Variants in NCOA1 observed in about 807,000 individuals in gnomAD.
NCOA1 encodes the protein nuclear receptor coactivator 1.
NCOA1 carries 35 observed loss-of-function variants against 150.9 expected under a neutral mutation model. That is an observed-to-expected ratio of 0.23 (90% CI 0.18 to 0.31). The LOEUF (loss-of-function observed/expected upper bound fraction) is 0.31, where lower values mean the gene tolerates loss of function less well. NCOA1 is among the 10% of genes least tolerant of loss of function. The pLI, the probability that NCOA1 is intolerant of heterozygous loss-of-function variation, is 1.00. For synonymous variants in NCOA1, 590 were observed against 630.0 expected, an observed-to-expected ratio of 0.94 and a Z score of 0.95; for missense variants, 1,491 against 1,749.3, an observed-to-expected ratio of 0.85 and a Z score of 2.63.
chr2:24,737,498 C>A (rs1440553656), intron 17 of NCOA1, among the ~76,000 whole-genome samples: 3 of 152,220 alleles, frequency 2.0e-5, no homozygotes, highest in African/African-American at 7.2e-5. Flanking sequence ...CATTATCTCA[C>A]AATTCAAAGA....
intron 2 of NCOA1, among the ~76,000 whole-genome samples, chr2:24,578,669 C>A (rs1416533257): frequency 6.6e-6 from 1 of 152,018 alleles, no homozygotes; most frequent in Non-Finnish European, 1.5e-5. Flanking sequence ...AGTACTCATG[C>A]ATTGCTTTTG....
intron 1 of NCOA1, among the ~76,000 whole-genome samples, chr2:24,553,028 T>C (rs1665926341): frequency 6.6e-6 from 1 of 152,154 alleles, no homozygotes; most frequent in Admixed American, 6.5e-5. Context: ...ATACAGTACA[T>C]TGTTGAATAG....
chr2:24,530,357 C>T (rs369946177), intron 1 of NCOA1, among the ~76,000 whole-genome samples: 150 of 152,272 alleles, frequency 9.9e-4, no homozygotes, highest in African/African-American at 3.4e-3. Context: ...TAGCTAATCA[C>T]AGGTATTTTA....
At chr2:24,596,247 T>C (rs1009268286) in intron 3 of NCOA1, among the ~76,000 whole-genome samples, 1 of 152,200 alleles carries the variant, frequency 6.6e-6, no homozygotes, top group African/African-American at 2.4e-5. Flanking sequence ...TAAGTGATTC[T>C]AGAAAGCAAA....
In NCOA1 at chr2:24,741,839, A is replaced by G. The variant is rs181034772; in HGVS notation, c.3359A>G (p.Gln1120Arg). The change falls in exon 19 of 23, where the codon CAG becomes CGG. Residue 1120 changes from glutamine to arginine, a missense_variant. Coordinates refer to ENST00000348332, the MANE Select transcript of NCOA1 (RefSeq NM_003743.5). ...AQRQRELYSQ[Q>R]HRQRQLIQQQ... is the part of the protein sequence containing the mutation. ...CGTCAGCGGGAACTGTACAGTCAAC[A>G]GCACCGACAGAGGCAGCTAATACAG... 6.8e-6 allele frequency: 11 copies of G among 1,614,240 alleles called. No homozygotes were observed. The highest frequency in any genetic ancestry group is 9.3e-6 in the Non-Finnish European group (11 of 1,180,038).
At chr2:24,665,437 G>A (rs1052000144) in intron 5 of NCOA1, among the ~76,000 whole-genome samples, 7 of 152,080 alleles carry the variant, frequency 4.6e-5, no homozygotes, top group Non-Finnish European at 8.8e-5. Flanking sequence ...TGTAACTGCT[G>A]TGTTTATTAC....
intron 1 of NCOA1, among the ~76,000 whole-genome samples, chr2:24,553,282 G>A (rs917791263): frequency 1.3e-5 from 2 of 151,736 alleles, no homozygotes; most frequent in African/African-American, 2.4e-5. Context: ...TGCAGTGGGC[G>A]ATCTTGGCTT....
chr2:24,551,702 A>G (rs1558787025), intron 1 of NCOA1, among the ~76,000 whole-genome samples: 1 of 152,180 alleles, frequency 6.6e-6, no homozygotes, highest in Non-Finnish European at 1.5e-5. Context: ...TCTGCAGGAT[A>G]AGTTTACCAA....
intron 3 of NCOA1, among the ~76,000 whole-genome samples, chr2:24,642,041 C>CGCGT (rs1670252223): frequency 2.3e-5 from 2 of 87,484 alleles, no homozygotes; most frequent in Admixed American, 9.8e-5. Context: ...TGTGTGTGCG[C>CGCGT]GCGTGCGTAT....
At chr2:24,492,633 G>C (rs1663027246) in intron 1 of NCOA1, among the ~76,000 whole-genome samples, 1 of 152,182 alleles carries the variant, frequency 6.6e-6, no homozygotes, top group Non-Finnish European at 1.5e-5. Context: ...CTCGTTTCTT[G>C]TAGAGGTGTT....
At chr2:24,657,255 A>G (rs577854036) in intron 4 of NCOA1, among the ~76,000 whole-genome samples, 1 of 152,286 alleles carries the variant, frequency 6.6e-6, no homozygotes, top group South Asian at 2.1e-4. Context: ...AGGACAGATT[A>G]GAAGTGAGAA....
chr2:24,592,158 G>A (rs936759813), intron 3 of NCOA1, among the ~76,000 whole-genome samples: 3 of 152,150 alleles, frequency 2.0e-5, no homozygotes, highest in African/African-American at 7.2e-5. Context: ...AGCATTTGAT[G>A]AAAACTTTTT....
chr2:24,664,171 A>C (rs1671308831), intron 5 of NCOA1, among the ~76,000 whole-genome samples: 1 of 152,202 alleles, frequency 6.6e-6, no homozygotes, highest in Non-Finnish European at 1.5e-5. Flanking sequence ...AATTTGTCAA[A>C]ATATCTTGCT....
chr2:24,686,114 G>A (rs1270130699), intron 8 of NCOA1, among the ~76,000 whole-genome samples: 1 of 152,166 alleles, frequency 6.6e-6, no homozygotes, highest in African/African-American at 2.4e-5. Context: ...CAATTTTCCT[G>A]CCTCAGCCTC....
intron 10 of NCOA1, among the ~76,000 whole-genome samples, chr2:24,695,932 C>T (rs943349227): frequency 5.9e-5 from 9 of 152,206 alleles, no homozygotes; most frequent in Admixed American, 4.6e-4. Context: ...CCCTTAGTCA[C>T]TGCCTGTGAG....
rs1004602680 is a variant in NCOA1 at position 24,683,133 on chromosome 2, A to G, written c.532+5A>G. The G allele has an allele frequency of 1.3e-6, 2 of 1,548,536 alleles. No homozygotes were observed. The highest frequency in any genetic ancestry group is 2.8e-5 in the African/African-American group (2 of 72,000). The stretch of plus-strand genomic sequence containing the variant: ...ATCTGCTACCAAAATCACTAGGTAA[A>G]CAGAAATGTGTTTTTAAAAAGAATA... On this transcript the variant is annotated splice_donor_5th_base_variant and intron_variant, in intron 8 of 22. Transcript: ENST00000348332.
At chr2:24,582,668 G>A (rs1386258318) in intron 2 of NCOA1, among the ~76,000 whole-genome samples, 1 of 152,080 alleles carries the variant, frequency 6.6e-6, no homozygotes, top group East Asian at 1.9e-4. Flanking sequence ...AGGGGTGGGA[G>A]AGGACCTTGG....
chr2:24,676,612 G>A (rs959378083), intron 7 of NCOA1, among the ~76,000 whole-genome samples: 1 of 152,156 alleles, frequency 6.6e-6, no homozygotes, highest in Non-Finnish European at 1.5e-5. Context: ...CCCAGCCATG[G>A]TTTGTAACCA....
At chr2:24,758,910 C>T (rs1664635238) in intron 21 of NCOA1, among the ~76,000 whole-genome samples, 1 of 152,046 alleles carries the variant, frequency 6.6e-6, no homozygotes, top group South Asian at 2.1e-4. Flanking sequence ...ATTGCTTGAA[C>T]CCAGGAGTTG....
Sources: allele counts gnomAD v4.1 joint callset (sites outside exome capture counted in the v4.1 genomes callset), GRCh38; gene constraint gnomAD v4.1.1; transcripts MANE v1.5; gene names NCBI Gene and HGNC (gene_info 2026-07-23, HGNC 2026-07-21).